The following UGGT2 variants were observed in gnomAD, a reference collection of about 807,000 sequenced individuals.
UGGT2 encodes the protein UDP-glucose:glycoprotein glucosyltransferase 2.
In UGGT2, 180 loss-of-function variants were observed where a neutral mutation model predicts 192.1. The observed-to-expected ratio is 0.94, with a 90% CI of 0.83 to 1.06. UGGT2 has a LOEUF of 1.06. Among genes scored for constraint, UGGT2 ranks in the 50% least tolerant of loss-of-function variants. The pLI is 0.00. For synonymous variants in UGGT2, 580 were observed against 591.0 expected (o/e 0.98, Z 0.27); for missense variants, 1,849 against 1,795.7 (o/e 1.03, Z -0.54).
chr13:95,983,375 A>G (rs970398210), intron 10 of UGGT2: 2 of 274,516 alleles, frequency 7.3e-6, no homozygotes, highest in African/African-American at 2.3e-5. Flanking sequence ...TTTGGGGTCT[A>G]TGGATAATTT....
At chr13:95,971,223 G>A (rs73560888) in intron 11 of UGGT2, among the ~76,000 whole-genome samples, 3,278 of 152,274 alleles carry the variant, frequency 0.022, 113 homozygotes, top group African/African-American at 0.074. Context: ...CCACATGGAC[G>A]ATTCCAAAGT....
At chr13:96,034,709 G>A (rs1030169006) in intron 1 of UGGT2, among the ~76,000 whole-genome samples, 1 of 152,200 alleles carries the variant, frequency 6.6e-6, no homozygotes, top group African/African-American at 2.4e-5. Flanking sequence ...TGCAGTGGAA[G>A]CCACCTGCAG....
In UGGT2 at chr13:95,810,803, C is replaced by T. The variant is rs1884543156; in HGVS notation, c.4529-8991G>A. ...ATATAAACATTTGTACCACAGAGGA[C>T]ATCATCAAGAAAATGAAAAGACAAC... On this transcript the variant is annotated intron_variant, in intron 38 of 38. Coordinates refer to ENST00000376747, the MANE Select transcript of UGGT2 (RefSeq NM_020121.4). 2.6e-5 allele frequency among the ~76,000 whole-genome samples: 4 copies of T among 151,968 alleles called. No individual in the cohort carries two copies. The South Asian group carries it at 8.3e-4, about 32-fold the overall frequency.
At chr13:95,900,679 G>T (rs912050191) in intron 22 of UGGT2, 128 bp downstream of exon 22, 2 of 931,400 alleles carry the variant, frequency 2.1e-6, no homozygotes, top group African/African-American at 1.7e-5. Context: ...GTTGTGTCTG[G>T]TGTCTTCAGC....
At chr13:95,828,570 G>A (rs1886300633) in intron 38 of UGGT2, among the ~76,000 whole-genome samples, 1 of 152,100 alleles carries the variant, frequency 6.6e-6, no homozygotes, top group African/African-American at 2.4e-5. Flanking sequence ...AAATCTAGAA[G>A]AAATGGATAA....
At chr13:95,921,329 T>C (rs1566697876) in intron 20 of UGGT2, among the ~76,000 whole-genome samples, 1 of 141,392 alleles carries the variant, frequency 7.1e-6, no homozygotes, top group Admixed American at 7.6e-5. Flanking sequence ...CTGCATATCC[T>C]ACACATAACT....
At chr13:95,896,228 C>G (rs2047941468) in intron 22 of UGGT2, among the ~76,000 whole-genome samples, 1 of 152,100 alleles carries the variant, frequency 6.6e-6, no homozygotes, top group Non-Finnish European at 1.5e-5. Context: ...CCTGCTCCTA[C>G]AGTTCATCTT....
chr13:95,816,187 C>T (rs185252214), intron 38 of UGGT2, among the ~76,000 whole-genome samples: 543 of 152,168 alleles, frequency 3.6e-3, no homozygotes, highest in Non-Finnish European at 6.5e-3. Flanking sequence ...AGTGTAAGAA[C>T]GAACTAATAT....
intron 5 of UGGT2, 56 bp downstream of exon 5, chr13:96,013,251 A>C (rs1328181383): frequency 6.8e-6 from 10 of 1,479,566 alleles, no homozygotes; most frequent in Non-Finnish European, 9.1e-6. Flanking sequence ...GACGATTATC[A>C]TAATAATTGT....
intron 1 of UGGT2, among the ~76,000 whole-genome samples, chr13:96,040,823 C>CT (rs989638256): frequency 1.3e-5 from 2 of 152,096 alleles, no homozygotes; most frequent in African/African-American, 4.8e-5. Context: ...AGTTCCAACT[C>CT]TAAGACTCTC....
At chr13:95,871,089 AT>A (rs1397289039) in intron 29 of UGGT2, among the ~76,000 whole-genome samples, 1 of 152,256 alleles carries the variant, frequency 6.6e-6, no homozygotes, top group Non-Finnish European at 1.5e-5. Flanking sequence ...CAAAAAATGA[AT>A]GTGAAAATTA....
At chr13:95,887,078 G>A (rs975886018) in intron 26 of UGGT2, among the ~76,000 whole-genome samples, 4 of 152,088 alleles carry the variant, frequency 2.6e-5, no homozygotes, top group African/African-American at 4.8e-5. Context: ...ATAAAAAAAA[G>A]TTCTGCTCAA....
intron 1 of UGGT2, among the ~76,000 whole-genome samples, chr13:96,050,424 G>A (rs1473836395): frequency 6.6e-6 from 1 of 152,160 alleles, no homozygotes; most frequent in Non-Finnish European, 1.5e-5. Context: ...GCATGGGCAA[G>A]GACTTCATGT....
At chr13:95,890,470 C>G (rs1292512993) in intron 25 of UGGT2, among the ~76,000 whole-genome samples, 1 of 152,146 alleles carries the variant, frequency 6.6e-6, no homozygotes, top group African/African-American at 2.4e-5. Flanking sequence ...TTTGTGAAGT[C>G]TCCCTCTGTT....
chr13:95,926,868 C>T (rs1302143704), intron 19 of UGGT2, among the ~76,000 whole-genome samples, 160 bp downstream of exon 19: 1 of 152,088 alleles, frequency 6.6e-6, no homozygotes, highest in Non-Finnish European at 1.5e-5. Context: ...ATTGTTTTCT[C>T]AGCACACGTT....
chr13:96,013,647 AAAAG>A (rs2052236707), intron 4 of UGGT2, among the ~76,000 whole-genome samples, 166 bp from the exon 5 acceptor site: 2 of 152,162 alleles, frequency 1.3e-5, no homozygotes, highest in Admixed American at 1.3e-4. Context: ...TAAATGACAG[AAAAG>A]AAAGAAAAGA....
At chr13:95,842,193 C>CCT (rs1887936453) in intron 36 of UGGT2, among the ~76,000 whole-genome samples, 1 of 152,186 alleles carries the variant, frequency 6.6e-6, no homozygotes, top group Non-Finnish European at 1.5e-5. Context: ...TCCTATCCTT[C>CCT]CTCTATGCAC....
intron 20 of UGGT2, among the ~76,000 whole-genome samples, chr13:95,922,038 A>G (rs1289064952): frequency 1.3e-5 from 2 of 152,236 alleles, no homozygotes; most frequent in East Asian, 1.9e-4. Context: ...GTGCCCACCA[A>G]TGGTGGACTG....
chr13:95,821,603 T>C (rs990958623), intron 38 of UGGT2, among the ~76,000 whole-genome samples: 1 of 152,174 alleles, frequency 6.6e-6, no homozygotes, highest in Admixed American at 6.5e-5. Context: ...CTTATTTTTG[T>C]TCCATTTGCT....
Sources: allele counts gnomAD v4.1 joint callset (sites outside exome capture counted in the v4.1 genomes callset), GRCh38; gene constraint gnomAD v4.1.1; transcripts MANE v1.5; gene names NCBI Gene and HGNC (gene_info 2026-07-23, HGNC 2026-07-21).